The following CSMD1 variants were observed in gnomAD, a reference collection of about 807,000 sequenced individuals.
CSMD1 encodes CUB and sushi domain-containing protein 1.
A neutral mutation model predicts 417.5 loss-of-function variants in CSMD1; 213 were observed. That is an observed-to-expected ratio of 0.51 (90% CI 0.46 to 0.57). The LOEUF (loss-of-function observed/expected upper bound fraction) is 0.57, where lower values mean the gene tolerates loss of function less well. Ranked by LOEUF, CSMD1 falls within the 20% of genes least tolerant of loss-of-function variation. The probability of loss-of-function intolerance (pLI) is 0.00; values close to 1 mark genes in which losing one functional copy is unlikely to be tolerated. For missense variants in CSMD1, 6,923 were observed against 4,529.7 expected (o/e 1.53, Z -15.17); for synonymous variants, 2,862 against 1,736.8 (o/e 1.65, Z -16.11).
intron 5 of CSMD1, among the ~76,000 whole-genome samples, chr8:3,945,981 G>C (rs1163076185): frequency 6.6e-6 from 1 of 152,062 alleles, no homozygotes; most frequent in African/African-American, 2.4e-5. Context: ...TTATGTTCCA[G>C]ACCGTATTTA....
chr8:4,146,207 T>A (rs950860827), intron 3 of CSMD1, among the ~76,000 whole-genome samples: 1 of 150,982 alleles, frequency 6.6e-6, no homozygotes. Context: ...AAGGGTGATA[T>A]CGTTTGGAAA....
chr8:3,506,844 T>C (rs1796848330), intron 10 of CSMD1, among the ~76,000 whole-genome samples: 1 of 152,190 alleles, frequency 6.6e-6, no homozygotes, highest in Non-Finnish European at 1.5e-5. Context: ...AAAAACACCA[T>C]AAAACTAAAA....
Position 3,787,128 on chromosome 8 carries a change from G to T in CSMD1, c.819-33086C>A, listed in dbSNP as rs560672628. On this transcript the variant is annotated intron_variant, in intron 5 of 69. Transcript: ENST00000635120. ...GTAACAACATAACTCAAGAGGAAGG[G>T]TAGTCAAAACATATTCTGAACATGT... Among the ~76,000 whole-genome samples the T allele has an allele frequency of 2.6e-5, 4 of 152,182 alleles. No homozygotes were observed. The South Asian group carries it at 8.3e-4, about 32-fold the overall frequency.
intron 1 of CSMD1, among the ~76,000 whole-genome samples, chr8:4,941,370 A>G (rs1020475583): frequency 5.3e-5 from 8 of 152,208 alleles, no homozygotes; most frequent in African/African-American, 1.9e-4. Flanking sequence ...TATTCAAAAT[A>G]AAAATATTAT....
rs749196788 is a variant in CSMD1, at chr8:2,950,335, T to G, written c.10210A>C (p.Lys3404Gln). Reference protein sequence around the residue: ...PVELKLTGIYKKEEAHLLLKA... With the variant: ...PVELKLTGIYQKEEAHLLLKA... ...AGGAGTAAGTGGGCCTCCTCCTTCT[T>G]GTAAATGCCTGTGAAAAGATCAGCA... The change falls in exon 67 of 70, where the codon AAG becomes CAG. Residue 3404 changes from lysine (K) to glutamine (Q), a missense_variant. Lys to Gln is a moderately conservative substitution (Grantham distance 53). Coordinates refer to ENST00000635120, the MANE Select transcript of CSMD1 (RefSeq NM_033225.6). The G allele has an allele frequency of 1.2e-6, 2 of 1,601,598 alleles. No individual in the cohort carries two copies. The highest frequency in any genetic ancestry group is 4.5e-5 in the East Asian group (2 of 44,814).
At chr8:4,542,690 T>G (rs1428837888) in intron 2 of CSMD1, among the ~76,000 whole-genome samples, 1 of 152,198 alleles carries the variant, frequency 6.6e-6, no homozygotes, top group Non-Finnish European at 1.5e-5. Context: ...CAGAAGATAG[T>G]TTGAATCTAT....
intron 3 of CSMD1, among the ~76,000 whole-genome samples, chr8:4,313,921 G>A (rs1480641009): frequency 1.3e-5 from 2 of 152,008 alleles, no homozygotes; most frequent in African/African-American, 4.8e-5. Flanking sequence ...GGCTGAGTCA[G>A]GAGAGTCACT....
intron 1 of CSMD1, among the ~76,000 whole-genome samples, chr8:4,822,222 GC>G (rs1799563605): frequency 6.6e-6 from 1 of 152,088 alleles, no homozygotes; most frequent in Non-Finnish European, 1.5e-5. Context: ...GTGGGGGTTT[GC>G]AACTTACTTT....
intron 12 of CSMD1, among the ~76,000 whole-genome samples, chr8:3,456,980 C>T: frequency 6.6e-6 from 1 of 151,700 alleles, no homozygotes; most frequent in Non-Finnish European, 1.5e-5. Context: ...TTCCTCATCC[C>T]ATAGCCCCTC....
intron 7 of CSMD1, among the ~76,000 whole-genome samples, chr8:3,628,875 T>A (rs952634586): frequency 4.0e-5 from 6 of 151,166 alleles, no homozygotes; most frequent in Admixed American, 1.3e-4. Flanking sequence ...TAAGTTTTTT[T>A]AAAAAGATTA....
intron 28 of CSMD1, among the ~76,000 whole-genome samples, chr8:3,221,541 C>G (rs1180793671): frequency 2.0e-5 from 3 of 151,448 alleles, no homozygotes; most frequent in African/African-American, 7.3e-5. Flanking sequence ...AACAAACAAA[C>G]AAACAAACAA....
intron 3 of CSMD1, among the ~76,000 whole-genome samples, chr8:4,273,075 G>C (rs1016770630): frequency 9.2e-5 from 14 of 152,034 alleles, no homozygotes; most frequent in Non-Finnish European, 1.8e-4. Context: ...TTTGATTTTT[G>C]AGGAAGAAGT....
At chr8:4,558,375 C>G (rs1798184677) in intron 2 of CSMD1, among the ~76,000 whole-genome samples, 1 of 152,184 alleles carries the variant, frequency 6.6e-6, no homozygotes, top group Admixed American at 6.5e-5. Context: ...AGCACCATCA[C>G]TAAAACGTAT....
chr8:4,842,376 A>G (rs1021008106), intron 1 of CSMD1, among the ~76,000 whole-genome samples: 11 of 152,146 alleles, frequency 7.2e-5, no homozygotes, highest in African/African-American at 1.9e-4. Flanking sequence ...CTTCTTCTTA[A>G]TTTTTATTCC....
At chr8:3,758,717 C>G (rs949262285) in intron 5 of CSMD1, among the ~76,000 whole-genome samples, 16 of 152,288 alleles carry the variant, frequency 1.1e-4, no homozygotes, top group African/African-American at 3.9e-4. Context: ...AGAATCATAC[C>G]TGCTACAGAC....
intron 1 of CSMD1, among the ~76,000 whole-genome samples, chr8:4,940,318 A>C (rs1465865134): frequency 6.6e-6 from 1 of 152,206 alleles, no homozygotes; most frequent in Non-Finnish European, 1.5e-5. Context: ...AATCTGAATT[A>C]TTTTCTGACG....
chr8:4,074,565 G>A (rs926246246), intron 3 of CSMD1, among the ~76,000 whole-genome samples: 2 of 152,058 alleles, frequency 1.3e-5, no homozygotes, highest in Non-Finnish European at 2.9e-5. Context: ...GGAAGTTAAA[G>A]GATCCGACAT....
chr8:3,289,404 T>C (rs1803386550), intron 25 of CSMD1, among the ~76,000 whole-genome samples: 1 of 147,420 alleles, frequency 6.8e-6, no homozygotes, highest in Non-Finnish European at 1.5e-5. Flanking sequence ...ATCGCCACAC[T>C]GACTTCACAA....
At chr8:4,036,135 G>A (rs1229806823) in intron 3 of CSMD1, among the ~76,000 whole-genome samples, 1 of 152,184 alleles carries the variant, frequency 6.6e-6, no homozygotes, top group Non-Finnish European at 1.5e-5. Context: ...CACATCCTAG[G>A]TGCGTAGTAG....
Sources: gnomAD v4.1 joint callset for allele counts (sites outside exome capture counted in the v4.1 genomes callset) on GRCh38, gnomAD v4.1.1 for gene constraint, MANE v1.5 for transcripts, NCBI Gene and HGNC (gene_info 2026-07-23, HGNC 2026-07-21) for gene names.